Variants in CDKN2B-AS1 observed in about 807,000 individuals in gnomAD.
CDKN2B-AS1 encodes CDKN2B and CDKN2A antisense cis and trans regulatory RNA 1.
intron 4 of CDKN2B-AS1, among the ~76,000 whole-genome samples, chr9:22,080,365 C>T (rs972365735): frequency 2.0e-5 from 3 of 152,216 alleles, no homozygotes; most frequent in Non-Finnish European, 4.4e-5. Context: ...TCCGTGTTCA[C>T]TATGATCAAG....
intron 1 of CDKN2B-AS1, among the ~76,000 whole-genome samples, chr9:22,014,612 T>C (rs561541964): frequency 2.0e-5 from 3 of 152,248 alleles, no homozygotes; most frequent in African/African-American, 7.2e-5. Context: ...TTTCTTTTAT[T>C]ATTATTATTA....
At chr9:22,056,054 T>A (rs1823551435) in intron 3 of CDKN2B-AS1, among the ~76,000 whole-genome samples, 3 of 150,112 alleles carry the variant, frequency 2.0e-5, no homozygotes, top group Admixed American at 6.6e-5. Context: ...TTTTTCTTTT[T>A]TTTTTTTTGA....
intron 1 of CDKN2B-AS1, chr9:22,004,478 A>G: frequency 4.3e-6 from 1 of 232,680 alleles, no homozygotes; most frequent in Middle Eastern, 1.3e-3. Flanking sequence ...GAGAGAAGGG[A>G]ACCCCTGTGA....
chr9:22,086,006 A>G (rs1824858017), intron 4 of CDKN2B-AS1, among the ~76,000 whole-genome samples: 1 of 152,076 alleles, frequency 6.6e-6, no homozygotes, highest in African/African-American at 2.4e-5. Context: ...AAAGAAGATG[A>G]ACCTTGGGGG....
At chr9:22,079,666 G>A (rs1824628245) in intron 4 of CDKN2B-AS1, among the ~76,000 whole-genome samples, 1 of 152,150 alleles carries the variant, frequency 6.6e-6, no homozygotes, top group Non-Finnish European at 1.5e-5. Flanking sequence ...GACCAAAAGT[G>A]AGGTAAAAAG....
intron 4 of CDKN2B-AS1, among the ~76,000 whole-genome samples, chr9:22,114,413 G>A (rs1047258919): frequency 2.6e-5 from 4 of 152,182 alleles, no homozygotes; most frequent in East Asian, 3.8e-4. Flanking sequence ...GAGATTCGCC[G>A]AGGTAAACCT....
intron 4 of CDKN2B-AS1, among the ~76,000 whole-genome samples, chr9:22,125,756 G>A (rs1347805782): frequency 6.6e-6 from 1 of 152,078 alleles, no homozygotes; most frequent in East Asian, 1.9e-4. Flanking sequence ...CTGTGGTATT[G>A]CGCTAGAAAA....
chr9:21,998,573 T>C (rs1261057436), intron 1 of CDKN2B-AS1, among the ~76,000 whole-genome samples: 2 of 152,198 alleles, frequency 1.3e-5, no homozygotes, highest in African/African-American at 4.8e-5. Context: ...ACAGAATCAC[T>C]GAATATTGGA....
intron 1 of CDKN2B-AS1, among the ~76,000 whole-genome samples, chr9:22,010,638 TCTA>T (rs1276496126): frequency 1.3e-5 from 2 of 152,100 alleles, no homozygotes; most frequent in East Asian, 3.8e-4. Context: ...GGGCTGAAAA[TCTA>T]CTGACAGAGC....
intron 1 of CDKN2B-AS1, among the ~76,000 whole-genome samples, chr9:22,038,056 C>G (rs945368435): frequency 6.6e-6 from 1 of 151,972 alleles, no homozygotes; most frequent in East Asian, 1.9e-4. Context: ...ATAGTACTTA[C>G]ACAATCATAT....
intron 4 of CDKN2B-AS1, among the ~76,000 whole-genome samples, chr9:22,076,898 G>T (rs1824515160): frequency 6.6e-6 from 1 of 152,066 alleles, no homozygotes; most frequent in East Asian, 1.9e-4. Context: ...TGCTCAGGCT[G>T]GTCTCGAACT....
In CDKN2B-AS1 at chr9:22,034,192, A is replaced by G. The variant is rs151129793; in HGVS notation, n.30-12559A>G. Among the ~76,000 whole-genome samples the G allele has an allele frequency of 2.6e-3, 391 of 152,266 alleles. 3 individuals are homozygous for G. The highest frequency in any genetic ancestry group is 9.0e-3 in the African/African-American group (373 of 41,546). On this transcript the variant is annotated intron_variant and non_coding_transcript_variant, in intron 1 of 4. Transcript: ENST00000650946. The stretch of plus-strand genomic sequence containing the variant: ...CTGGTTCTCAATTGGTTATTACTTT[A>G]TGTGCTTTCCATATTAAAATTCTAT...
chr9:22,083,857 G>C (rs1292102573), intron 4 of CDKN2B-AS1, among the ~76,000 whole-genome samples: 1 of 152,174 alleles, frequency 6.6e-6, no homozygotes, highest in East Asian at 1.9e-4. Context: ...CAAGGCTGTA[G>C]ATTTAGATAT....
chr9:22,033,551 G>T (rs1822565101), intron 1 of CDKN2B-AS1, among the ~76,000 whole-genome samples: 1 of 152,076 alleles, frequency 6.6e-6, no homozygotes, highest in African/African-American at 2.4e-5. Flanking sequence ...TAAAAACAAG[G>T]CTGTCTATAA....
chr9:22,092,689 T>G (rs1353127394), intron 4 of CDKN2B-AS1, among the ~76,000 whole-genome samples: 1 of 152,212 alleles, frequency 6.6e-6, no homozygotes, highest in Admixed American at 6.5e-5. Flanking sequence ...AATTTTTTAT[T>G]GTGTCTATTT....
intron 4 of CDKN2B-AS1, among the ~76,000 whole-genome samples, chr9:22,059,384 G>A (rs1242350887): frequency 4.6e-5 from 7 of 152,154 alleles, no homozygotes; most frequent in East Asian, 1.9e-4. Context: ...AAAATCCAGC[G>A]AGGCAGTCAA....
chr9:22,050,002 T>A lies in CDKN2B-AS1; in HGVS notation n.302+774T>A, dbSNP rs1202429345. Reference sequence around the variant, plus strand: ...GAACAATTTAGACATTGCCTTTTTGTCCTCAAACCAAGGGGTGAATTTTTA... The same window carrying A: ...GAACAATTTAGACATTGCCTTTTTGACCTCAAACCAAGGGGTGAATTTTTA... On this transcript the variant is annotated intron_variant and non_coding_transcript_variant, in intron 3 of 4. Transcript: ENST00000650946. Among the ~76,000 whole-genome samples, 5 of 152,204 alleles carry A rather than the reference T, an allele frequency of 3.3e-5. No homozygotes were observed. In the East Asian group the frequency reaches 9.6e-4, roughly 29 times the overall value.
chr9:22,065,157 GGAGTTT>G (rs1307819233), intron 4 of CDKN2B-AS1, among the ~76,000 whole-genome samples: 1 of 152,120 alleles, frequency 6.6e-6, no homozygotes, highest in Non-Finnish European at 1.5e-5. Context: ...ATTCTTCCCT[GGAGTTT>G]GAGTACCTCC....
intron 1 of CDKN2B-AS1, among the ~76,000 whole-genome samples, chr9:22,026,966 C>T (rs1379539617): frequency 2.6e-5 from 4 of 152,174 alleles, no homozygotes; most frequent in Non-Finnish European, 5.9e-5. Context: ...CTTGACTCCA[C>T]GTCTTTCCCA....
Sources: allele counts gnomAD v4.1 joint callset (sites outside exome capture counted in the v4.1 genomes callset), GRCh38; gene constraint gnomAD v4.1.1; transcripts MANE v1.5; gene names NCBI Gene and HGNC (gene_info 2026-07-23, HGNC 2026-07-21).